Variants in TNRC6B observed in about 807,000 individuals in gnomAD.
TNRC6B encodes the protein trinucleotide repeat containing adaptor 6B.
TNRC6B carries 52 observed loss-of-function variants against 203.6 expected under a neutral mutation model. The ratio of observed to expected loss-of-function variants is 0.26; its 90% CI spans 0.20 to 0.32. The LOEUF (loss-of-function observed/expected upper bound fraction) is 0.32, where lower values mean the gene tolerates loss of function less well. Ranked by LOEUF, TNRC6B falls within the 10% of genes least tolerant of loss-of-function variation. TNRC6B has a pLI of 1.00. For synonymous variants in TNRC6B, 838 were observed against 845.7 expected (o/e 0.99, Z 0.16); for missense variants, 1,923 against 2,286.2 (o/e 0.84, Z 3.24).
intron 1 of TNRC6B, among the ~76,000 whole-genome samples, chr22:40,200,275 A>ATTTTT (rs1375838143): frequency 2.0e-4 from 15 of 73,218 alleles, no homozygotes; most frequent in South Asian, 7.9e-4. Context: ...AAAAAGTAAT[A>ATTTTT]TTCTTTTTTT....
intron 1 of TNRC6B, among the ~76,000 whole-genome samples, chr22:40,053,881 T>C (rs2067771258): frequency 6.6e-6 from 1 of 152,216 alleles, no homozygotes; most frequent in Non-Finnish European, 1.5e-5. Context: ...AAACATTTAC[T>C]TAAAAAGCAA....
At chr22:40,228,464 CAAAT>C (rs2069822199) in intron 1 of TNRC6B, among the ~76,000 whole-genome samples, 1 of 150,392 alleles carries the variant, frequency 6.6e-6, no homozygotes, top group Admixed American at 6.6e-5. Context: ...AATAAATAAA[CAAAT>C]AGATAAATGT....
At chr22:40,158,479 TCAAA>T (rs1481586215) in intron 4 of TNRC6B, among the ~76,000 whole-genome samples, 1 of 152,218 alleles carries the variant, frequency 6.6e-6, no homozygotes, top group African/African-American at 2.4e-5. Flanking sequence ...TATCCATTTC[TCAAA>T]CAAACCAGTC....
intron 1 of TNRC6B, among the ~76,000 whole-genome samples, chr22:40,221,452 C>T (rs1202528458): frequency 6.6e-6 from 1 of 152,024 alleles, no homozygotes; most frequent in Non-Finnish European, 1.5e-5. Flanking sequence ...TATTTTTTAT[C>T]TTTTTGAGAC....
intron 1 of TNRC6B, among the ~76,000 whole-genome samples, chr22:40,081,053 G>A (rs940174458): frequency 5.9e-5 from 9 of 151,610 alleles, no homozygotes; most frequent in Non-Finnish European, 1.2e-4. Context: ...GGGGGGGTGC[G>A]TTTCACCATG....
intron 3 of TNRC6B, among the ~76,000 whole-genome samples, chr22:40,150,189 AAC>A (rs1444517951): frequency 6.6e-6 from 1 of 152,124 alleles, no homozygotes; most frequent in Non-Finnish European, 1.5e-5. Flanking sequence ...CATCCTGGCT[AAC>A]ACGGTGAAAC....
At chr22:40,221,865 G>A (rs2069715122) in intron 1 of TNRC6B, among the ~76,000 whole-genome samples, 1 of 151,600 alleles carries the variant, frequency 6.6e-6, no homozygotes, top group African/African-American at 2.4e-5. Flanking sequence ...GTTCTGTGTA[G>A]GAGAATGAGA....
intron 1 of TNRC6B, among the ~76,000 whole-genome samples, chr22:40,099,278 A>C (rs925930585): frequency 6.6e-6 from 1 of 152,030 alleles, no homozygotes; most frequent in African/African-American, 2.4e-5. Flanking sequence ...GGAAAAAAAA[A>C]CATACAGTAA....
intron 3 of TNRC6B, chr22:40,253,663 TTTAA>T (rs1409039408): frequency 1.1e-5 from 5 of 456,266 alleles, no homozygotes. Context: ...TCCTAAGGGA[TTTAA>T]TTGTTAGACA....
chr22:40,305,428 C>T (rs1298019412), intron 15 of TNRC6B, among the ~76,000 whole-genome samples: 3 of 152,170 alleles, frequency 2.0e-5, no homozygotes, highest in African/African-American at 7.2e-5. Flanking sequence ...TCAGTATTTT[C>T]TTGGGTTTAG....
chr22:40,209,570 C>T (rs1238248915), intron 1 of TNRC6B, among the ~76,000 whole-genome samples: 1 of 152,190 alleles, frequency 6.6e-6, no homozygotes, highest in Non-Finnish European at 1.5e-5. Flanking sequence ...CATTCTTACG[C>T]TAACCTGCCA....
At chr22:40,179,267 T>A (rs2069103671) in intron 1 of TNRC6B, among the ~76,000 whole-genome samples, 1 of 152,062 alleles carries the variant, frequency 6.6e-6, no homozygotes, top group South Asian at 2.1e-4. Flanking sequence ...ATTGTGAGAG[T>A]GTGATGTAAT....
intron 3 of TNRC6B, among the ~76,000 whole-genome samples, chr22:40,132,523 T>C (rs1236380682): frequency 6.7e-6 from 1 of 150,222 alleles, no homozygotes; most frequent in Non-Finnish European, 1.5e-5. Flanking sequence ...GAGGGGCCTG[T>C]AGTCCCAGCT....
chr22:40,120,774 A>G (rs2068436706), intron 2 of TNRC6B, among the ~76,000 whole-genome samples: 1 of 152,232 alleles, frequency 6.6e-6, no homozygotes, highest in Non-Finnish European at 1.5e-5. Flanking sequence ...TTTATCATTC[A>G]TAAAGTTGCC....
chr22:40,202,689 A>G (rs1439598592), intron 1 of TNRC6B, among the ~76,000 whole-genome samples: 2 of 152,112 alleles, frequency 1.3e-5, no homozygotes, highest in African/African-American at 4.8e-5. Context: ...GTCCCTGGCC[A>G]CAGGGATCCC....
intron 1 of TNRC6B, among the ~76,000 whole-genome samples, chr22:40,191,289 A>T (rs2069269445): frequency 6.6e-6 from 1 of 152,174 alleles, no homozygotes; most frequent in African/African-American, 2.4e-5. Context: ...TTGAAGAGTG[A>T]TCGTGAAGAT....
chr22:40,075,157 T>TATATATATATATA (rs1491547107), intron 1 of TNRC6B, among the ~76,000 whole-genome samples: 33 of 34,464 alleles, frequency 9.6e-4, no homozygotes, highest in Admixed American at 1.7e-3. Context: ...TATATATATA[T>TATATATATATATA]TTTTTTTTTT....
intron 21 of TNRC6B, among the ~76,000 whole-genome samples, chr22:40,319,712 C>T (rs2071310239): frequency 6.6e-6 from 1 of 152,178 alleles, no homozygotes; most frequent in East Asian, 1.9e-4. Flanking sequence ...GCGTGAGCCA[C>T]CGCACCTGGC....
At chr22:40,295,397 C>G (rs930347618) in intron 12 of TNRC6B, among the ~76,000 whole-genome samples, 3 of 151,416 alleles carry the variant, frequency 2.0e-5, no homozygotes, top group African/African-American at 7.3e-5. Flanking sequence ...TCGCTTGAGC[C>G]CGAGAGGTGG....
Sources: gnomAD v4.1 joint callset for allele counts (sites outside exome capture counted in the v4.1 genomes callset) on GRCh38, gnomAD v4.1.1 for gene constraint, MANE v1.5 for transcripts, NCBI Gene and HGNC (gene_info 2026-07-23, HGNC 2026-07-21) for gene names.